The following CEP162 variants were observed in gnomAD, a reference collection of about 807,000 sequenced individuals.
CEP162 encodes centrosomal protein 162.
A neutral mutation model predicts 169.2 loss-of-function variants in CEP162; 141 were observed. That is an observed-to-expected ratio of 0.83 (90% confidence interval 0.73 to 0.96). The LOEUF (loss-of-function observed/expected upper bound fraction) is 0.96, where lower values mean the gene tolerates loss of function less well. Among genes scored for constraint, CEP162 ranks in the 40% least tolerant of loss-of-function variants. The pLI, the probability that CEP162 is intolerant of heterozygous loss-of-function variation, is 0.00. For missense variants in CEP162, 1,600 were observed against 1,587.2 expected (o/e 1.01, Z -0.14); for synonymous variants, 540 against 526.4 (o/e 1.03, Z -0.35).
Position 84,194,901 on chromosome 6 carries a change from ATGT to A in CEP162, c.1007_1009del (p.Asn336del), listed in dbSNP as rs1562068790. The A allele has an allele frequency of 6.2e-7, 1 of 1,609,650 alleles. No individual in the cohort carries two copies. ...GTTTTTACCAGATTCCATAGTAGAGATGTTTTTTGAATTCTCTTCATTTTCTTG... is the reference window on the plus strand; with the variant it reads ...GTTTTTACCAGATTCCATAGTAGAGATTTTTGAATTCTCTTCATTTTCTTG... On this transcript the variant is annotated inframe_deletion, in exon 10 of 27. Transcript: ENST00000403245.
intron 18 of CEP162, 42 bp from the exon 19 acceptor site, chr6:84,163,312 C>G (rs746524208): frequency 2.8e-6 from 4 of 1,441,600 alleles, no homozygotes; most frequent in Admixed American, 3.6e-5. Flanking sequence ...TTTTTACAAC[C>G]ACAATAAATT....
In CEP162 at chr6:84,185,386, G is replaced by A; in HGVS notation, c.1464C>T (p.Tyr488=). The change falls in exon 13 of 27, where the codon TAC becomes TAT. Residue 488 remains tyrosine (Y), a synonymous_variant. Coordinates refer to ENST00000403245, the MANE Select transcript of CEP162 (RefSeq NM_014895.4). ...AAGGAGGTGCACTTCTGGCCTTCTT[G>A]TATGGTACCTGTTTACCCATTACAG... The part of the protein sequence containing the change: ...EGAVMGKQVP[Y]KKARSAPPLL... 1 of 1,613,376 alleles carries A rather than the reference G, an allele frequency of 6.2e-7. No individual in the cohort carries two copies. The highest frequency in any genetic ancestry group is 8.5e-7 in the Non-Finnish European group (1 of 1,179,452).
intron 25 of CEP162, among the ~76,000 whole-genome samples, chr6:84,133,459 G>T (rs922375294): frequency 6.6e-6 from 1 of 152,216 alleles, no homozygotes; most frequent in East Asian, 1.9e-4. Context: ...GCCCCCAGAG[G>T]TGGAGTCTAT....
At chr6:84,210,378 T>C (rs1482742442) in intron 6 of CEP162, among the ~76,000 whole-genome samples, 2 of 152,202 alleles carry the variant, frequency 1.3e-5, no homozygotes, top group Non-Finnish European at 2.9e-5. Context: ...AAAGGGATTG[T>C]ACTTTCTTTG....
At chr6:84,175,152 A>G (rs970930085) in intron 14 of CEP162, 62 bp downstream of exon 14, 1 of 1,130,906 alleles carries the variant, frequency 8.8e-7, no homozygotes. Flanking sequence ...TGTTATATAT[A>G]ATTTAGTTTT....
chr6:84,140,603 G>A (rs2099516164), intron 25 of CEP162, among the ~76,000 whole-genome samples: 4 of 152,086 alleles, frequency 2.6e-5, no homozygotes, highest in Admixed American at 2.6e-4. Flanking sequence ...TCAGCTCACT[G>A]AAGCCTTGAA....
chr6:84,146,865 A>C, intron 24 of CEP162, 80 bp from the exon 25 acceptor site: 1 of 696,418 alleles, frequency 1.4e-6, no homozygotes, highest in Non-Finnish European at 2.4e-6. Context: ...GCCAACTCAC[A>C]AAAGGGAACT....
chr6:84,175,400 T>C, intron 13 of CEP162, 53 bp from the exon 14 acceptor site: 2 of 1,273,966 alleles, frequency 1.6e-6, no homozygotes, highest in Admixed American at 2.6e-5. Context: ...GTTAAATGTA[T>C]ACTCATCAAT....
chr6:84,153,164 T>G lies in CEP162; in HGVS notation c.3010A>C (p.Arg1004=), dbSNP rs766235681. 9.4e-6 allele frequency: 15 copies of G among 1,599,872 alleles called. No homozygotes were observed. Among genetic ancestry groups the G allele is most frequent in the Non-Finnish European group, 7.7e-6 (9 of 1,175,682 alleles). The change falls in exon 23 of 27, where the codon AGA becomes CGA. Residue 1004 remains arginine, a synonymous_variant. Coordinates refer to ENST00000403245, the MANE Select transcript of CEP162 (RefSeq NM_014895.4). The part of the protein sequence containing the change: ...FQKMKIQYEQ[R]LEQQEQLLAC... ...AGTAGCTGCTCCTGCTGCTCTAGTC[T>G]TTGTTCATACTGAATCTGAAGGAAA...
At chr6:84,195,698 T>C (rs1057267436) in intron 9 of CEP162, among the ~76,000 whole-genome samples, 3 of 152,232 alleles carry the variant, frequency 2.0e-5, no homozygotes, top group East Asian at 3.8e-4. Flanking sequence ...TTCTTCTTTT[T>C]GTTATTACCA....
At chr6:84,146,663 C>T (rs759497539) in intron 25 of CEP162, 24 bp downstream of exon 25, 5 of 1,114,408 alleles carry the variant, frequency 4.5e-6, no homozygotes, top group South Asian at 3.0e-5. Context: ...CTTATTTTAG[C>T]CCAATATTTT....
In CEP162 at chr6:84,215,940, T is replaced by C. The variant is rs754326387; in HGVS notation, c.173-18A>G. ...AAGAAGTCCTAGGTACACAATTTAA[T>C]ACAGATGAAGATTTATGTTCAAAGA... On this transcript the variant is annotated intron_variant, in intron 3 of 26. Coordinates refer to ENST00000403245, the MANE Select transcript of CEP162 (RefSeq NM_014895.4). The C allele has an allele frequency of 4.0e-5, 61 of 1,518,566 alleles. No individual in the cohort carries two copies. The highest frequency in any genetic ancestry group is 9.8e-5 in the Admixed American group (4 of 41,012). The allele number at this position is 1,518,566 out of a possible 1,614,324, so 94.1% of individuals were successfully genotyped here. A position where few individuals can be genotyped will look rare whatever the true frequency, so the allele number is the denominator to read the frequency against.
intron 3 of CEP162, among the ~76,000 whole-genome samples, chr6:84,218,241 GA>G (rs2099552295): frequency 1.3e-5 from 2 of 152,198 alleles, no homozygotes; most frequent in African/African-American, 4.8e-5. Context: ...AGTAGGTACA[GA>G]AGCATGACAA....
At chr6:84,127,210 A>T (rs567342985) in intron 25 of CEP162, among the ~76,000 whole-genome samples, 2 of 152,306 alleles carry the variant, frequency 1.3e-5, no homozygotes, top group African/African-American at 4.8e-5. Flanking sequence ...AATTCCAACA[A>T]GAATCAGATT....
At chr6:84,139,947 G>A (rs2476899) in intron 25 of CEP162, among the ~76,000 whole-genome samples, 1 of 145,378 alleles carries the variant, frequency 6.9e-6, no homozygotes, top group African/African-American at 2.9e-5. Flanking sequence ...GTGTGTTCAC[G>A]GTTCTCACCA....
intron 6 of CEP162, among the ~76,000 whole-genome samples, chr6:84,212,445 A>G (rs939819188): frequency 5.3e-5 from 8 of 152,144 alleles, no homozygotes; most frequent in African/African-American, 1.9e-4. Context: ...AGTTCATATA[A>G]ATACAGTGAT....
intron 25 of CEP162, among the ~76,000 whole-genome samples, chr6:84,130,623 A>G (rs1284553060): frequency 2.0e-5 from 3 of 152,132 alleles, no homozygotes; most frequent in African/African-American, 7.2e-5. Context: ...CATTTCTTCT[A>G]GATTTTCTAG....
chr6:84,159,548 T>TATATATATATATATA (rs1491229310), intron 21 of CEP162, among the ~76,000 whole-genome samples: 7 of 14,254 alleles, frequency 4.9e-4, no homozygotes, highest in African/African-American at 1.7e-3. Flanking sequence ...TATATATATA[T>TATATATATATATATA]TTTTTTTTTT....
intron 22 of CEP162, among the ~76,000 whole-genome samples, chr6:84,154,910 A>G (rs2099522563): frequency 6.6e-6 from 1 of 152,174 alleles, no homozygotes; most frequent in South Asian, 2.1e-4. Context: ...CCTAAAATGT[A>G]TACTTCTGTC....
Sources: allele counts gnomAD v4.1 joint callset (sites outside exome capture counted in the v4.1 genomes callset), GRCh38; gene constraint gnomAD v4.1.1; transcripts MANE v1.5; gene names NCBI Gene and HGNC (gene_info 2026-07-23, HGNC 2026-07-21).